Variants in GABBR2 observed in about 807,000 individuals in gnomAD.
The protein encoded by GABBR2 is gamma-aminobutyric acid type B receptor subunit 2.
Under a neutral mutation model 105.6 loss-of-function variants are expected in GABBR2, and 23 were observed. That is an observed-to-expected ratio of 0.22 (90% CI 0.16 to 0.31). The LOEUF (loss-of-function observed/expected upper bound fraction) is 0.31. Ranked by LOEUF, GABBR2 falls within the 10% of genes least tolerant of loss-of-function variation. The pLI is 1.00. For synonymous variants in GABBR2, 478 were observed against 499.7 expected, an observed-to-expected ratio of 0.96 and a Z score of 0.58; for missense variants, 734 against 1,245.5, an observed-to-expected ratio of 0.59 and a Z score of 6.18.
chr9:98,577,505 A>G (rs952570803), intron 2 of GABBR2, among the ~76,000 whole-genome samples: 1 of 152,240 alleles, frequency 6.6e-6, no homozygotes, highest in Non-Finnish European at 1.5e-5. Flanking sequence ...CAGAGAATTG[A>G]TGAGGAGTCA....
chr9:98,445,279 T>C (rs1164871289), intron 7 of GABBR2, among the ~76,000 whole-genome samples: 1 of 152,212 alleles, frequency 6.6e-6, no homozygotes, highest in East Asian at 1.9e-4. Flanking sequence ...TACAGGCTAC[T>C]GCAACTGGCA....
At chr9:98,292,758 G>T (rs1292985825) in intron 18 of GABBR2, among the ~76,000 whole-genome samples, 2 of 152,234 alleles carry the variant, frequency 1.3e-5, no homozygotes. Flanking sequence ...TCCTGTGGTT[G>T]TCAGAGCATT....
intron 12 of GABBR2, among the ~76,000 whole-genome samples, chr9:98,364,321 C>T (rs144956385): frequency 3.9e-4 from 59 of 152,306 alleles, no homozygotes; most frequent in African/African-American, 1.3e-3. Context: ...GAAGGAGCCT[C>T]ATATCTACGT....
chr9:98,551,090 G>T (rs1258091626), intron 2 of GABBR2, among the ~76,000 whole-genome samples: 1 of 152,108 alleles, frequency 6.6e-6, no homozygotes, highest in Non-Finnish European at 1.5e-5. Flanking sequence ...ATGAACACAC[G>T]TCTGACTTGG....
chr9:98,659,454 C>T (rs1830224396), intron 1 of GABBR2, among the ~76,000 whole-genome samples: 1 of 150,880 alleles, frequency 6.6e-6, no homozygotes, highest in Admixed American at 6.6e-5. Context: ...CTTTGAAGAC[C>T]ATATAGTCAC....
At chr9:98,552,043 T>C (rs1443953309) in intron 2 of GABBR2, 2 of 152,226 alleles carry the variant, frequency 1.3e-5, no homozygotes, top group Non-Finnish European at 2.9e-5. Context: ...CATTTGCAGA[T>C]ACGAACCCAG....
intron 4 of GABBR2, 24 bp downstream of exon 4, chr9:98,496,389 C>A: frequency 7.0e-7 from 1 of 1,424,626 alleles, no homozygotes; most frequent in Non-Finnish European, 9.9e-7. Flanking sequence ...GTCTGCCATT[C>A]ACCCTGTGGC....
chr9:98,552,433 CA>C (rs1768274363), intron 2 of GABBR2, among the ~76,000 whole-genome samples: 1 of 152,180 alleles, frequency 6.6e-6, no homozygotes, highest in African/African-American at 2.4e-5. Context: ...AAGCTTCTGA[CA>C]AAACACTGTT....
At chr9:98,585,602 T>G (rs955480096) in intron 1 of GABBR2, among the ~76,000 whole-genome samples, 1 of 151,684 alleles carries the variant, frequency 6.6e-6, no homozygotes, top group Non-Finnish European at 1.5e-5. Context: ...GTAACAAACC[T>G]GCACGTTGTG....
intron 1 of GABBR2, among the ~76,000 whole-genome samples, chr9:98,694,776 C>G (rs1252370350): frequency 6.6e-6 from 1 of 152,170 alleles, no homozygotes; most frequent in Non-Finnish European, 1.5e-5. Context: ...TATAATAACT[C>G]TATGAAAAAG....
intron 1 of GABBR2, among the ~76,000 whole-genome samples, chr9:98,626,596 G>A (rs1031753987): frequency 2.0e-5 from 3 of 152,038 alleles, no homozygotes; most frequent in Non-Finnish European, 4.4e-5. Context: ...GTACAACGGG[G>A]ATAACAATAC....
At chr9:98,491,449 C>G (rs1011919520) in intron 4 of GABBR2, among the ~76,000 whole-genome samples, 3 of 152,182 alleles carry the variant, frequency 2.0e-5, no homozygotes, top group Non-Finnish European at 2.9e-5. Flanking sequence ...TATATGTGGT[C>G]TGCACTGATC....
At chr9:98,485,930 A>G (rs1214600898) in intron 4 of GABBR2, among the ~76,000 whole-genome samples, 1 of 151,972 alleles carries the variant, frequency 6.6e-6, no homozygotes, top group East Asian at 1.9e-4. Context: ...CCAACAACTG[A>G]CTCACATTGG....
chr9:98,385,994 C>G (rs928104080), intron 10 of GABBR2, among the ~76,000 whole-genome samples: 1 of 152,160 alleles, frequency 6.6e-6, no homozygotes, highest in African/African-American at 2.4e-5. Flanking sequence ...TGGAACCTTC[C>G]CCTTACAGAG....
chr9:98,697,276 G>A (rs1389684873), intron 1 of GABBR2, among the ~76,000 whole-genome samples: 1 of 152,174 alleles, frequency 6.6e-6, no homozygotes, highest in Admixed American at 6.5e-5. Flanking sequence ...CAGATCACGA[G>A]GTCAGGAGAT....
chr9:98,655,846 G>C (rs1356833692), intron 1 of GABBR2, among the ~76,000 whole-genome samples: 1 of 152,142 alleles, frequency 6.6e-6, no homozygotes, highest in Admixed American at 6.5e-5. Context: ...GGGATGGGGG[G>C]CTACAGGAGG....
intron 8 of GABBR2, among the ~76,000 whole-genome samples, chr9:98,394,797 TAG>T (rs1377749203): frequency 1.3e-5 from 2 of 152,166 alleles, no homozygotes; most frequent in Non-Finnish European, 2.9e-5. Flanking sequence ...CTGTAGAGTG[TAG>T]ATCCAAGGAC....
intron 7 of GABBR2, among the ~76,000 whole-genome samples, chr9:98,425,527 C>T (rs916821852): frequency 5.3e-5 from 8 of 152,162 alleles, no homozygotes; most frequent in Admixed American, 6.5e-5. Flanking sequence ...AGGTATAACA[C>T]GCAGAGCAAA....
At chr9:98,563,947 T>C (rs543018450) in intron 2 of GABBR2, among the ~76,000 whole-genome samples, 1 of 152,250 alleles carries the variant, frequency 6.6e-6, no homozygotes, top group Non-Finnish European at 1.5e-5. Context: ...CTATAAGTAC[T>C]ATTCTTGAAA....
Sources: allele counts gnomAD v4.1 joint callset (sites outside exome capture counted in the v4.1 genomes callset), GRCh38; gene constraint gnomAD v4.1.1; transcripts MANE v1.5; gene names NCBI Gene and HGNC (gene_info 2026-07-23, HGNC 2026-07-21).